ZSWIM5: variants seen among roughly 807,000 people sequenced by gnomAD.
ZSWIM5 encodes zinc finger SWIM domain-containing protein 5.
ZSWIM5 carries 55 observed loss-of-function variants against 119.6 expected under a neutral mutation model. That is an observed-to-expected ratio of 0.46 (90% CI 0.37 to 0.58). ZSWIM5 has a LOEUF of 0.58. ZSWIM5 is among the 20% of genes least tolerant of loss of function. The pLI is 0.00. For missense variants in ZSWIM5, 1,193 were observed against 1,512.8 expected (o/e 0.79, Z 3.51); for synonymous variants, 537 against 606.9 (o/e 0.88, Z 1.69).
rs557761969 is a variant in ZSWIM5, at chr1:45,164,928, T to A, written c.595+40828A>T. Among the ~76,000 whole-genome samples, 14 of 151,848 alleles carry A rather than the reference T, an allele frequency of 9.2e-5. No individual in the cohort carries two copies. In the South Asian group the frequency reaches 2.5e-3, roughly 27 times the overall value. ...TCAACGAGACAGAAAGTTAACAAGG[T>A]TACCCAGGAATTGAACTCAGCTCTG... On this transcript the variant is annotated intron_variant, in intron 1 of 13. Coordinates refer to ENST00000359600, the MANE Select transcript of ZSWIM5 (RefSeq NM_020883.2).
chr1:45,094,954 T>G (rs909065434), intron 1 of ZSWIM5, among the ~76,000 whole-genome samples: 1 of 152,024 alleles, frequency 6.6e-6, no homozygotes, highest in Admixed American at 6.6e-5. Flanking sequence ...AAAGACAAAT[T>G]TCTTTAACCT....
chr1:45,195,077 T>C (rs72684487), intron 1 of ZSWIM5, among the ~76,000 whole-genome samples: 9,549 of 152,204 alleles, frequency 0.063, 350 homozygotes, highest in East Asian at 0.11. Context: ...TTACAGAACA[T>C]TGTGGTAAAT....
intron 1 of ZSWIM5, among the ~76,000 whole-genome samples, chr1:45,124,629 A>T (rs1645609955): frequency 1.3e-5 from 2 of 152,214 alleles, no homozygotes; most frequent in East Asian, 3.8e-4. Context: ...ACATTAAATG[A>T]AAATGGTCTA....
intron 10 of ZSWIM5, 77 bp downstream of exon 10, chr1:45,035,611 G>A: frequency 6.5e-7 from 1 of 1,545,914 alleles, no homozygotes. Context: ...AGAAAAGAAA[G>A]TGAAATAAGC....
chr1:45,128,678 G>C (rs1645636260), intron 1 of ZSWIM5, among the ~76,000 whole-genome samples: 1 of 152,112 alleles, frequency 6.6e-6, no homozygotes, highest in Admixed American at 6.5e-5. Flanking sequence ...ATGTTGTATA[G>C]GTCTATGAGT....
intron 1 of ZSWIM5, among the ~76,000 whole-genome samples, chr1:45,146,225 A>G (rs1224910616): frequency 6.6e-6 from 1 of 152,146 alleles, no homozygotes; most frequent in Non-Finnish European, 1.5e-5. Flanking sequence ...AAATAAAAGT[A>G]TGTTTTTATG....
At chr1:45,193,693 G>C (rs1646105199) in intron 1 of ZSWIM5, among the ~76,000 whole-genome samples, 1 of 151,992 alleles carries the variant, frequency 6.6e-6, no homozygotes, top group African/African-American at 2.4e-5. Context: ...AGGGAGGGAA[G>C]ATAAATACAG....
intron 1 of ZSWIM5, among the ~76,000 whole-genome samples, chr1:45,136,124 G>T (rs529495055): frequency 3.3e-5 from 5 of 152,156 alleles, no homozygotes; most frequent in Admixed American, 1.3e-4. Context: ...GCCTCCCAAA[G>T]TGCTAGGATT....
intron 9 of ZSWIM5, 56 bp from the exon 10 acceptor site, chr1:45,035,879 G>A: frequency 6.3e-7 from 1 of 1,599,908 alleles, no homozygotes; most frequent in Admixed American, 1.7e-5. Flanking sequence ...CTGCCAGCCT[G>A]GACTTGAGCC....
intron 5 of ZSWIM5, among the ~76,000 whole-genome samples, chr1:45,044,462 G>A (rs1158160230): frequency 6.6e-6 from 1 of 151,026 alleles, no homozygotes; most frequent in Non-Finnish European, 1.5e-5. Flanking sequence ...GGTGGCTCAC[G>A]CCTGTAATCC....
chr1:45,021,772 C>T (rs1268778033), intron 11 of ZSWIM5, among the ~76,000 whole-genome samples: 1 of 152,142 alleles, frequency 6.6e-6, no homozygotes, highest in Non-Finnish European at 1.5e-5. Flanking sequence ...GTAATCCCAG[C>T]ACTTTGGGAG....
chr1:45,096,434 T>TTGTG (rs112308838), intron 1 of ZSWIM5, among the ~76,000 whole-genome samples: 3,389 of 144,418 alleles, frequency 0.023, 93 homozygotes, highest in African/African-American at 0.064. Context: ...AGATAACTGT[T>TTGTG]TGTGTGTGTG....
intron 1 of ZSWIM5, among the ~76,000 whole-genome samples, chr1:45,090,905 C>T (rs992282548): frequency 3.3e-5 from 5 of 151,872 alleles, no homozygotes; most frequent in African/African-American, 1.2e-4. Context: ...CTATACCCAC[C>T]AGACATTGCC....
At chr1:45,184,084 C>A (rs991253549) in intron 1 of ZSWIM5, among the ~76,000 whole-genome samples, 1 of 152,156 alleles carries the variant, frequency 6.6e-6, no homozygotes, top group Non-Finnish European at 1.5e-5. Context: ...GGATGCAAGG[C>A]TGGTTCAATA....
At chr1:45,069,963 T>C in intron 2 of ZSWIM5, 1 of 672,324 alleles carries the variant, frequency 1.5e-6, no homozygotes, top group Non-Finnish European at 2.7e-6. Flanking sequence ...CACTGATTTC[T>C]TCTCAAATGC....
At chr1:45,058,068 AG>A (rs1226558574) in intron 4 of ZSWIM5, among the ~76,000 whole-genome samples, 1 of 152,246 alleles carries the variant, frequency 6.6e-6, no homozygotes, top group African/African-American at 2.4e-5. Context: ...GGAAATGGTC[AG>A]TGGACATCTA....
intron 6 of ZSWIM5, among the ~76,000 whole-genome samples, chr1:45,041,698 G>A (rs1031187471): frequency 1.8e-4 from 28 of 151,952 alleles, no homozygotes; most frequent in African/African-American, 6.0e-4. Context: ...CACCACACCC[G>A]GATAATTTCT....
intron 11 of ZSWIM5, among the ~76,000 whole-genome samples, chr1:45,029,454 A>C (rs1644938988): frequency 6.6e-6 from 1 of 152,182 alleles, no homozygotes; most frequent in African/African-American, 2.4e-5. Context: ...CAGGTAATCC[A>C]TGTTTTTTAC....
intron 1 of ZSWIM5, among the ~76,000 whole-genome samples, chr1:45,134,897 A>G (rs774516998): frequency 6.6e-6 from 1 of 152,228 alleles, no homozygotes; most frequent in African/African-American, 2.4e-5. Context: ...TCCATGTTGT[A>G]GCATATGAAA....
Sources: allele counts gnomAD v4.1 joint callset (sites outside exome capture counted in the v4.1 genomes callset), GRCh38; gene constraint gnomAD v4.1.1; transcripts MANE v1.5; gene names NCBI Gene and HGNC (gene_info 2026-07-23, HGNC 2026-07-21).